The following SNX24 variants were observed in gnomAD, a reference collection of about 807,000 sequenced individuals.
The protein encoded by SNX24 is sorting nexin 24.
A neutral mutation model predicts 28.7 loss-of-function variants in SNX24; 22 were observed. That is an observed-to-expected ratio of 0.77 (90% confidence interval 0.55 to 1.10). SNX24 has a LOEUF of 1.10. Among genes scored for constraint, SNX24 ranks in the 50% least tolerant of loss-of-function variants. The pLI, the probability that SNX24 is intolerant of heterozygous loss-of-function variation, is 0.00. For missense variants in SNX24, 221 were observed against 201.1 expected (o/e 1.10, Z -0.60); for synonymous variants, 69 against 71.5 (o/e 0.96, Z 0.18).
chr5:122,982,388 T>C (rs956035309), intron 3 of SNX24, among the ~76,000 whole-genome samples: 1 of 152,240 alleles, frequency 6.6e-6, no homozygotes, highest in Non-Finnish European at 1.5e-5. Context: ...TTACAGAATT[T>C]AGAATTATAA....
intron 2 of SNX24, among the ~76,000 whole-genome samples, chr5:122,941,603 G>A (rs1759448732): frequency 6.6e-6 from 1 of 152,100 alleles, no homozygotes; most frequent in Non-Finnish European, 1.5e-5. Flanking sequence ...AGATAAAACT[G>A]TTATCCCTAA....
intron 1 of SNX24, among the ~76,000 whole-genome samples, chr5:122,915,206 C>A (rs1419804975): frequency 6.6e-6 from 1 of 152,172 alleles, no homozygotes; most frequent in East Asian, 1.9e-4. Flanking sequence ...CCACTTTCAT[C>A]TCCATCTCCA....
chr5:122,975,717 CATT>C (rs1488658691), intron 3 of SNX24, among the ~76,000 whole-genome samples: 1 of 152,080 alleles, frequency 6.6e-6, no homozygotes, highest in Non-Finnish European at 1.5e-5. Context: ...ATTTAAAAAT[CATT>C]ATAAATGATC....
chr5:122,906,531 G>GA (rs1035734734), intron 1 of SNX24, among the ~76,000 whole-genome samples: 29 of 152,144 alleles, frequency 1.9e-4, no homozygotes, highest in Admixed American at 1.8e-3. Flanking sequence ...GTTTTGAGTG[G>GA]AGTTTTGCCC....
intron 1 of SNX24, among the ~76,000 whole-genome samples, chr5:122,889,916 A>ATTTTTTT (rs35217710): frequency 7.2e-6 from 1 of 139,174 alleles, no homozygotes. Flanking sequence ...CCTTGTTAGT[A>ATTTTTTT]TTTTTTTTTT....
rs1284297737 is a variant in SNX24 at position 123,025,924 on chromosome 5, G to C, written n.384-3314G>C. On this transcript the variant is annotated intron_variant and non_coding_transcript_variant, in intron 5 of 5. Transcript: ENST00000502387. Reference sequence around the variant, plus strand: ...ACCCACCCAATGCCATAGTGCTTCAGCTTGAAGTTCTCATCTGGAAATGTC... The same window carrying C: ...ACCCACCCAATGCCATAGTGCTTCACCTTGAAGTTCTCATCTGGAAATGTC... The C allele has an allele frequency of 6.2e-7, 1 of 1,610,116 alleles. No homozygotes were observed. Among genetic ancestry groups the C allele is most frequent in the East Asian group, 2.2e-5 (1 of 44,824 alleles).
intron 5 of SNX24, among the ~76,000 whole-genome samples, chr5:123,023,014 T>C (rs970095819): frequency 6.6e-6 from 1 of 152,202 alleles, no homozygotes; most frequent in African/African-American, 2.4e-5. Context: ...TTGCCCAGGC[T>C]GGTCTCAAAC....
intron 1 of SNX24, among the ~76,000 whole-genome samples, chr5:122,888,657 G>A (rs1429933783): frequency 2.0e-5 from 3 of 152,034 alleles, no homozygotes; most frequent in East Asian, 1.9e-4. Context: ...TGCTGCCTCC[G>A]ATATGCAGCT....
At chr5:123,020,130 G>C (rs1762741998) in intron 5 of SNX24, among the ~76,000 whole-genome samples, 4 of 152,198 alleles carry the variant, frequency 2.6e-5, no homozygotes. Context: ...GCATGGGGGA[G>C]AGTGGTGTCT....
chr5:122,948,319 T>C (rs558542652), intron 3 of SNX24, among the ~76,000 whole-genome samples: 4 of 152,290 alleles, frequency 2.6e-5, no homozygotes, highest in African/African-American at 7.2e-5. Context: ...AATCCATTCA[T>C]GCTCAGGACC....
At chr5:122,859,975 T>C (rs577794182) in intron 1 of SNX24, among the ~76,000 whole-genome samples, 1 of 152,208 alleles carries the variant, frequency 6.6e-6, no homozygotes, top group South Asian at 2.1e-4. Context: ...CAAAGTTCTT[T>C]TGAAGTCTAA....
intron 3 of SNX24, among the ~76,000 whole-genome samples, chr5:122,995,297 A>G (rs923632124): frequency 2.0e-5 from 3 of 152,220 alleles, no homozygotes; most frequent in Admixed American, 1.3e-4. Flanking sequence ...CCTCCTTAAC[A>G]GAACAGTTAG....
rs1023032837 is a variant in SNX24 at position 122,969,554 on chromosome 5, G to A, written c.249+23395G>A. 3.3e-5 allele frequency among the ~76,000 whole-genome samples: 5 copies of A among 152,126 alleles called. No homozygotes were observed. In the South Asian group the frequency reaches 6.2e-4, roughly 19 times the overall value. On this transcript the variant is annotated intron_variant, in intron 3 of 6. Coordinates refer to ENST00000261369, the MANE Select transcript of SNX24 (RefSeq NM_014035.4). ...CCCTTGCAGGATTCAGGATGAAATC[G>A]TAACATCTCTTGTTCCAGAGTGCCT...
At position 123,008,351 on chromosome 5, in the gene SNX24, A is replaced by ATCATACTCAGGGGTTAGCT; in HGVS notation, c.*605_*623dup. 1 of 961,498 alleles carries ATCATACTCAGGGGTTAGCT rather than the reference A, an allele frequency of 1.0e-6. No homozygotes were observed. The allele number at this position is 961,498 out of a possible 1,614,324, so 59.6% of individuals were successfully genotyped here. On this transcript the variant is annotated 3_prime_UTR_variant, in exon 7 of 7. Transcript: ENST00000261369. ...TTAATTTACATTAGAGTGGAGTTGC[A>ATCATACTCAGGGGTTAGCT]TCATACTCAGGGGTTAGCTTCCAAG...
At chr5:122,970,075 C>T (rs886102490) in intron 3 of SNX24, among the ~76,000 whole-genome samples, 57 of 151,618 alleles carry the variant, frequency 3.8e-4, no homozygotes, top group South Asian at 8.4e-4. Flanking sequence ...TTGTCCTCGC[C>T]GCTGCCGTTG....
At chr5:122,991,438 C>G (rs1439290730) in intron 3 of SNX24, among the ~76,000 whole-genome samples, 1 of 151,928 alleles carries the variant, frequency 6.6e-6, no homozygotes, top group African/African-American at 2.4e-5. Context: ...GAGTCCAGAT[C>G]CTTTTGTTTT....
intron 3 of SNX24, among the ~76,000 whole-genome samples, chr5:122,997,789 A>G (rs1762102010): frequency 6.6e-6 from 1 of 152,158 alleles, no homozygotes; most frequent in African/African-American, 2.4e-5. Flanking sequence ...TAAGAATGTT[A>G]TACCCTCCCC....
At chr5:122,867,616 G>A (rs1488499291) in intron 1 of SNX24, among the ~76,000 whole-genome samples, 1 of 152,158 alleles carries the variant, frequency 6.6e-6, no homozygotes, top group Non-Finnish European at 1.5e-5. Context: ...TGCCACCATG[G>A]CTACTTTATG....
intron 1 of SNX24, among the ~76,000 whole-genome samples, chr5:122,902,806 C>T (rs1439420039): frequency 6.6e-6 from 1 of 152,206 alleles, no homozygotes; most frequent in Non-Finnish European, 1.5e-5. Context: ...CTTGTCCCAG[C>T]TTACCTCTTT....
Sources: allele counts gnomAD v4.1 joint callset (sites outside exome capture counted in the v4.1 genomes callset), GRCh38; gene constraint gnomAD v4.1.1; transcripts MANE v1.5; gene names NCBI Gene and HGNC (gene_info 2026-07-23, HGNC 2026-07-21).